Variants in ZC3H7A observed in about 807,000 individuals in gnomAD.
ZC3H7A encodes zinc finger CCCH domain-containing protein 7A.
ZC3H7A carries 44 observed loss-of-function variants against 125.5 expected under a neutral mutation model. The observed-to-expected ratio is 0.35, with a 90% confidence interval of 0.28 to 0.45. The LOEUF (loss-of-function observed/expected upper bound fraction) is 0.45. Ranked by LOEUF, ZC3H7A falls within the 20% of genes least tolerant of loss-of-function variation. ZC3H7A has a pLI of 1.00. For synonymous variants in ZC3H7A, 399 were observed against 391.2 expected (o/e 1.02, Z -0.23); for missense variants, 977 against 1,170.7 (o/e 0.83, Z 2.41).
chr16:11,793,506 C>G (rs2053384942), intron 1 of ZC3H7A, among the ~76,000 whole-genome samples: 4 of 147,718 alleles, frequency 2.7e-5, no homozygotes. Context: ...ATACTCCAAC[C>G]TGGGTGTCAG....
chr16:11,781,796 T>C (rs1309579515), intron 2 of ZC3H7A, among the ~76,000 whole-genome samples: 1 of 152,056 alleles, frequency 6.6e-6, no homozygotes, highest in African/African-American at 2.4e-5. Context: ...ACTAACAATA[T>C]TTGATCCAAT....
chr16:11,771,082 C>T (rs2052972409), intron 9 of ZC3H7A, 95 bp from the exon 10 acceptor site: 2 of 1,215,070 alleles, frequency 1.6e-6, no homozygotes, highest in African/African-American at 3.0e-5. Context: ...CATTATTACA[C>T]TGGGAGATCA....
At chr16:11,781,175 C>A (rs911672783) in intron 3 of ZC3H7A, among the ~76,000 whole-genome samples, 6 of 152,240 alleles carry the variant, frequency 3.9e-5, no homozygotes, top group Admixed American at 3.3e-4. Context: ...GTTTTAGGCT[C>A]CATGGGCCAT....
At chr16:11,773,648 C>A (rs760693776) in intron 9 of ZC3H7A, among the ~76,000 whole-genome samples, 2 of 151,600 alleles carry the variant, frequency 1.3e-5, no homozygotes, top group Non-Finnish European at 2.9e-5. Context: ...TTTGGGAGGC[C>A]GAGGCGGGTG....
intron 22 of ZC3H7A, 86 bp from the exon 23 acceptor site, chr16:11,751,592 G>C (rs937696080): frequency 7.4e-7 from 1 of 1,353,416 alleles, no homozygotes; most frequent in African/African-American, 1.5e-5. Flanking sequence ...TATTTCACTA[G>C]CTTTATGATT....
chr16:11,763,038 T>C (rs766654294), intron 16 of ZC3H7A: 4 of 330,172 alleles, frequency 1.2e-5, no homozygotes, highest in African/African-American at 8.6e-5. Context: ...AATCAAAAGT[T>C]TGAAGCTCAG....
chr16:11,779,125 C>A (rs375547452), intron 4 of ZC3H7A, 41 bp downstream of exon 4: 17 of 1,483,128 alleles, frequency 1.1e-5, no homozygotes, highest in African/African-American at 9.9e-5. Context: ...TGAAAAAATT[C>A]TTTTCACTCT....
rs762375028 is a variant in ZC3H7A at position 11,776,514 on chromosome 16, G to C, written c.484C>G (p.Leu162Val). The change falls in exon 6 of 23, where the codon CTA (leucine) becomes GTA (valine). Residue 162 changes from leucine to valine, a missense_variant. Leu to Val is a conservative substitution (Grantham distance 32). Coordinates refer to ENST00000355758, the MANE Select transcript of ZC3H7A (RefSeq NM_014153.4). ...AATTTCTGAGCTAGTTCTTGAGTTA[G>C]TTTTATTACATGCTCATCCTGAAAA... ...AVPQDEHVIK[L>V]TQELAQKLGF... 1.2e-6 allele frequency: 2 copies of C among 1,610,726 alleles called. No individual in the cohort carries two copies. Among genetic ancestry groups the C allele is most frequent in the East Asian group, 2.2e-5 (1 of 44,822 alleles).
At chr16:11,793,843 TGA>T (rs1284693651) in intron 1 of ZC3H7A, among the ~76,000 whole-genome samples, 2 of 152,200 alleles carry the variant, frequency 1.3e-5, no homozygotes, top group East Asian at 1.9e-4. Context: ...GAAAATTTCA[TGA>T]GAGACAGTAT....
intron 9 of ZC3H7A, among the ~76,000 whole-genome samples, chr16:11,772,088 C>T (rs572478212): frequency 1.3e-3 from 197 of 151,422 alleles, no homozygotes; most frequent in Middle Eastern, 3.4e-3. Flanking sequence ...CTCAGCTACT[C>T]GGGAGGTTGA....
intron 19 of ZC3H7A, 75 bp downstream of exon 19, chr16:11,761,331 A>G: frequency 2.9e-6 from 4 of 1,366,964 alleles, no homozygotes; most frequent in Non-Finnish European, 4.1e-6. Context: ...TTGAGTTTCA[A>G]TCTGAATTAC....
Position 11,758,446 on chromosome 16 carries a change from T to A in ZC3H7A, c.2413A>T (p.Met805Leu), listed in dbSNP as rs1197851592. 25 of 1,613,104 alleles carry A rather than the reference T, an allele frequency of 1.5e-5. No individual in the cohort carries two copies. The highest frequency in any genetic ancestry group is 2.1e-5 in the Non-Finnish European group (25 of 1,179,082). ...ATTAACTTACTCCCATTCTCCTTCA[T>A]GTAAGTCCAAACTTCTCTTTCCTCA... Reference protein sequence around the residue: ...SPEEREVWTYMKENGIQDMEQ... With the variant: ...SPEEREVWTYLKENGIQDMEQ... Residue 805 changes from methionine (M) to leucine (L), a missense_variant, in exon 20 of 23, where the codon ATG becomes TTG. Around this residue, in one of 3 missense-constraint regions of ZC3H7A, gnomAD observed 436 missense variants for 603.2 expected, o/e 0.72. Coordinates refer to ENST00000355758, the MANE Select transcript of ZC3H7A (RefSeq NM_014153.4).
chr16:11,754,206 C>T (rs2052597983), intron 21 of ZC3H7A, among the ~76,000 whole-genome samples: 1 of 148,124 alleles, frequency 6.8e-6, no homozygotes, highest in South Asian at 2.1e-4. Flanking sequence ...GTCGGAGGAT[C>T]ACCTGAGCCC....
intron 18 of ZC3H7A, 60 bp from the exon 19 acceptor site, chr16:11,761,571 G>T: frequency 6.4e-7 from 1 of 1,561,576 alleles, no homozygotes; most frequent in South Asian, 1.1e-5. Flanking sequence ...ATAACACAAA[G>T]GGAGAGGCAC....
rs146398469 is a variant in ZC3H7A, at chr16:11,788,224, C to T, written c.-34-5836G>A. ...CTAGGTCTGTCCCCACCTCACAGGC[C>T]ACTCTGTCTCCTGCAAGCTGAGGCT... On this transcript the variant is annotated intron_variant, in intron 1 of 22. Transcript: ENST00000355758. 4.1e-4 allele frequency among the ~76,000 whole-genome samples: 62 copies of T among 152,252 alleles called. No homozygotes were observed. In the East Asian group the frequency reaches 0.011, roughly 28 times the overall value.
chr16:11,755,841 G>C (rs920741047), intron 21 of ZC3H7A, among the ~76,000 whole-genome samples: 9 of 152,170 alleles, frequency 5.9e-5, no homozygotes, highest in Admixed American at 2.6e-4. Context: ...CAGGCAGTGA[G>C]TGACGGAGCC....
intron 2 of ZC3H7A, among the ~76,000 whole-genome samples, 187 bp from the exon 3 acceptor site, chr16:11,781,651 C>CATATATATATATATATAT (rs3972315): frequency 2.1e-5 from 3 of 145,010 alleles, no homozygotes; most frequent in African/African-American, 7.5e-5. Context: ...AATACATATA[C>CATATATATATATATATAT]ATATATATAT....
chr16:11,761,813 CT>C, intron 18 of ZC3H7A, 96 bp downstream of exon 18: 1 of 1,509,638 alleles, frequency 6.6e-7, no homozygotes, highest in Admixed American at 2.3e-5. Flanking sequence ...TTTCTCTCCT[CT>C]CTTCAAAGCC....
At chr16:11,766,499 G>C (rs2052860200) in intron 13 of ZC3H7A, among the ~76,000 whole-genome samples, 1 of 152,276 alleles carries the variant, frequency 6.6e-6, no homozygotes, top group South Asian at 2.1e-4. Context: ...CTGGGAAGCA[G>C]AGGTTGCAGT....
Sources: gnomAD v4.1 joint callset for allele counts (sites outside exome capture counted in the v4.1 genomes callset) on GRCh38, gnomAD v4.1.1 for gene constraint, gnomAD v4.1.1 regional missense constraint, MANE v1.5 for transcripts, NCBI Gene and HGNC (gene_info 2026-07-23, HGNC 2026-07-21) for gene names.